The following FLI1 variants were observed in gnomAD, a reference collection of about 807,000 sequenced individuals.
FLI1 encodes the protein Fli-1 proto-oncogene, ETS transcription factor.
In FLI1, 13 loss-of-function variants were observed where a neutral mutation model predicts 53.1. The observed-to-expected ratio is 0.24, with a 90% CI of 0.16 to 0.39. The LOEUF (loss-of-function observed/expected upper bound fraction) is 0.39, where lower values mean the gene tolerates loss of function less well. FLI1 is among the 10% of genes least tolerant of loss of function. The pLI is 1.00. For synonymous variants in FLI1, 244 were observed against 236.7 expected (o/e 1.03, Z -0.28); for missense variants, 424 against 600.5 (o/e 0.71, Z 3.07).
At chr11:128,724,311 G>A (rs1335031502) in intron 1 of FLI1, among the ~76,000 whole-genome samples, 4 of 152,148 alleles carry the variant, frequency 2.6e-5, no homozygotes, top group East Asian at 3.9e-4. Flanking sequence ...GGACCAGCAC[G>A]GAAAGGGTGT....
At chr11:128,799,003 C>T (rs1184703017) in intron 5 of FLI1, among the ~76,000 whole-genome samples, 1 of 150,350 alleles carries the variant, frequency 6.7e-6, no homozygotes, top group East Asian at 1.9e-4. Context: ...TAAAAGAAAG[C>T]CACGATTTAT....
intron 1 of FLI1, among the ~76,000 whole-genome samples, chr11:128,751,055 G>A (rs1196751127): frequency 6.6e-6 from 1 of 152,192 alleles, no homozygotes; most frequent in Non-Finnish European, 1.5e-5. Flanking sequence ...CCTGGACTCA[G>A]AAACCAGAGA....
intron 2 of FLI1, among the ~76,000 whole-genome samples, chr11:128,767,571 G>A (rs2135830939): frequency 6.6e-6 from 1 of 152,328 alleles, no homozygotes; most frequent in South Asian, 2.1e-4. Flanking sequence ...TTATATATGT[G>A]CAATAGAAAT....
At chr11:128,731,094 G>T (rs1220057884) in intron 1 of FLI1, among the ~76,000 whole-genome samples, 2 of 152,224 alleles carry the variant, frequency 1.3e-5, no homozygotes, top group Non-Finnish European at 2.9e-5. Context: ...AGCACCTTTG[G>T]ATAAGTTCAA....
intron 1 of FLI1, among the ~76,000 whole-genome samples, chr11:128,709,785 C>T (rs1159289743): frequency 6.6e-6 from 1 of 152,188 alleles, no homozygotes; most frequent in Non-Finnish European, 1.5e-5. Flanking sequence ...TACATCTACG[C>T]CACCTCTTCT....
At chr11:128,723,933 ATTTT>A (rs376612983) in intron 1 of FLI1, among the ~76,000 whole-genome samples, 1 of 80,976 alleles carries the variant, frequency 1.2e-5, no homozygotes, top group Non-Finnish European at 2.2e-5. Context: ...AATGGAGTTG[ATTTT>A]TTTTTTTTTT....
chr11:128,776,712 C>G (rs1386411325), intron 4 of FLI1, among the ~76,000 whole-genome samples: 1 of 152,176 alleles, frequency 6.6e-6, no homozygotes, highest in Non-Finnish European at 1.5e-5. Context: ...TGAAGCTGAA[C>G]CCACTGAGGC....
intron 1 of FLI1, among the ~76,000 whole-genome samples, chr11:128,724,825 T>C (rs969469391): frequency 6.6e-6 from 1 of 152,152 alleles, no homozygotes; most frequent in African/African-American, 2.4e-5. Context: ...AGGCCTTATT[T>C]AGGAGGCCCA....
In FLI1 at chr11:128,768,280, G is replaced by A. The variant is rs202161078; in HGVS notation, c.385+8G>A. On this transcript the variant is annotated splice_region_variant and intron_variant, in intron 3 of 8. Coordinates refer to ENST00000527786, the MANE Select transcript of FLI1 (RefSeq NM_002017.5). ...GAGTCATCGTCCCCGCAGGTAATTC[G>A]AGAACCAGGCTGCCTGGGCGCCATT... 1.4e-5 allele frequency: 22 copies of A among 1,612,432 alleles called. No individual in the cohort carries two copies. The highest frequency in any genetic ancestry group is 1.6e-4 in the Middle Eastern group (1 of 6,062).
intron 1 of FLI1, among the ~76,000 whole-genome samples, chr11:128,712,994 A>G (rs1938851751): frequency 6.6e-6 from 1 of 152,216 alleles, no homozygotes. Context: ...AGGTCTCGCT[A>G]ATGAGCAGAC....
intron 1 of FLI1, among the ~76,000 whole-genome samples, chr11:128,747,142 G>A (rs1384451516): frequency 4.6e-5 from 7 of 152,226 alleles, no homozygotes; most frequent in East Asian, 1.9e-4. Flanking sequence ...TCTGTAAGGC[G>A]CGGGCTGCAA....
At chr11:128,730,152 C>A (rs1313660951) in intron 1 of FLI1, among the ~76,000 whole-genome samples, 2 of 152,228 alleles carry the variant, frequency 1.3e-5, no homozygotes, top group African/African-American at 2.4e-5. Context: ...TATATTATCA[C>A]CACCTTGACT....
intron 2 of FLI1, among the ~76,000 whole-genome samples, chr11:128,759,487 T>G (rs672149): frequency 0.41 from 61,849 of 151,964 alleles, 12,687 homozygotes; most frequent in South Asian, 0.44. Flanking sequence ...TAGGAAATAA[T>G]GAAGTTCGGA....
upstream of FLI1, chr11:128,686,344 G>C (rs1021041903): frequency 2.2e-6 from 1 of 456,310 alleles, no homozygotes. Context: ...GGAGGCGGCA[G>C]TCTGATTTCG....
intron 5 of FLI1, 88 bp downstream of exon 5, chr11:128,782,111 G>T (rs1256206807): frequency 8.1e-7 from 1 of 1,228,116 alleles, no homozygotes; most frequent in African/African-American, 1.5e-5. Flanking sequence ...CAGAAAACCA[G>T]CTTGCGTGTT....
At chr11:128,732,142 G>A (rs1449844561) in intron 1 of FLI1, among the ~76,000 whole-genome samples, 2 of 152,336 alleles carry the variant, frequency 1.3e-5, no homozygotes, top group East Asian at 1.9e-4. Flanking sequence ...AAAGCATGCT[G>A]AGCCTTGTCT....
At chr11:128,757,060 C>CTTTCTTTCTTT (rs1192497467) in intron 1 of FLI1, among the ~76,000 whole-genome samples, 20 of 135,500 alleles carry the variant, frequency 1.5e-4, no homozygotes, top group African/African-American at 6.1e-4. Flanking sequence ...TTCTTTCTTT[C>CTTTCTTTCTTT]TTTCTTTCTT....
At position 128,709,738 on chromosome 11, in the gene FLI1, G is replaced by A. The variant is rs909841315; in HGVS notation, c.18+15462G>A. Among the ~76,000 whole-genome samples, 8 of 152,292 alleles carry A rather than the reference G, an allele frequency of 5.3e-5. No homozygotes were observed. The South Asian group carries it at 1.7e-3, about 32-fold the overall frequency. On this transcript the variant is annotated intron_variant, in intron 1 of 8. Coordinates refer to ENST00000527786, the MANE Select transcript of FLI1 (RefSeq NM_002017.5). Reference sequence around the variant, plus strand: ...CCTTGTGAATAGTTTTAAAACATCCGTCTGGCTGACCAAATACCTATGGCT... The same window carrying A: ...CCTTGTGAATAGTTTTAAAACATCCATCTGGCTGACCAAATACCTATGGCT...
intron 1 of FLI1, among the ~76,000 whole-genome samples, chr11:128,735,154 G>A (rs919850095): frequency 6.6e-6 from 1 of 152,136 alleles, no homozygotes; most frequent in Non-Finnish European, 1.5e-5. Context: ...ATAGATGTGG[G>A]AAGGCTCCTA....
Sources: gnomAD v4.1 joint callset for allele counts (sites outside exome capture counted in the v4.1 genomes callset) on GRCh38, gnomAD v4.1.1 for gene constraint, MANE v1.5 for transcripts, NCBI Gene and HGNC (gene_info 2026-07-23, HGNC 2026-07-21) for gene names.